Variants in FAM135B observed in about 807,000 individuals in gnomAD.
FAM135B encodes the protein protein FAM135B.
Under a neutral mutation model 127.7 loss-of-function variants are expected in FAM135B, and 43 were observed. That is an observed-to-expected ratio of 0.34 (90% CI 0.26 to 0.43). FAM135B has a LOEUF of 0.43. Ranked by LOEUF, FAM135B falls within the 20% of genes least tolerant of loss-of-function variation. FAM135B has a pLI of 1.00. For synonymous variants in FAM135B, 670 were observed against 665.1 expected, an observed-to-expected ratio of 1.01 and a Z score of -0.11; for missense variants, 1,558 against 1,725.6, an observed-to-expected ratio of 0.90 and a Z score of 1.72.
intron 7 of FAM135B, among the ~76,000 whole-genome samples, chr8:138,209,830 C>G (rs889751801): frequency 2.0e-5 from 3 of 152,102 alleles, no homozygotes; most frequent in Non-Finnish European, 4.4e-5. Context: ...CCCACATTTG[C>G]TAAGATACAA....
chr8:138,456,081 G>A (rs1375405342), intron 1 of FAM135B, among the ~76,000 whole-genome samples: 3 of 152,228 alleles, frequency 2.0e-5, no homozygotes, highest in African/African-American at 7.2e-5. Context: ...CAGTAAATGT[G>A]TTGAAAGACT....
At chr8:138,496,458 T>G (rs1815395544) in intron 1 of FAM135B, among the ~76,000 whole-genome samples, 1 of 152,174 alleles carries the variant, frequency 6.6e-6, no homozygotes, top group Non-Finnish European at 1.5e-5. Flanking sequence ...TTCACAGCCC[T>G]GGCCCTTCTT....
chr8:138,492,500 C>T (rs988638932), intron 1 of FAM135B, among the ~76,000 whole-genome samples: 2 of 152,092 alleles, frequency 1.3e-5, no homozygotes, highest in African/African-American at 4.8e-5. Context: ...CTGGGGAGAG[C>T]ATCCTGCCCA....
intron 11 of FAM135B, among the ~76,000 whole-genome samples, chr8:138,176,656 TG>T (rs1814502225): frequency 6.6e-6 from 1 of 152,216 alleles, no homozygotes; most frequent in South Asian, 2.1e-4. Flanking sequence ...GAGTGATGGA[TG>T]GGTCTCATGT....
intron 8 of FAM135B, among the ~76,000 whole-genome samples, chr8:138,195,850 T>C (rs1816579655): frequency 6.6e-6 from 1 of 152,198 alleles, no homozygotes; most frequent in South Asian, 2.1e-4. Context: ...ATGGTCACAG[T>C]TGTGACTGGG....
chr8:138,265,205 C>A (rs1411197316), intron 4 of FAM135B, among the ~76,000 whole-genome samples: 1 of 152,122 alleles, frequency 6.6e-6, no homozygotes, highest in Non-Finnish European at 1.5e-5. Flanking sequence ...CTTGATGAAC[C>A]CAGCTTTGTC....
At chr8:138,271,022 G>A (rs1236199679) in intron 3 of FAM135B, among the ~76,000 whole-genome samples, 1 of 152,076 alleles carries the variant, frequency 6.6e-6, no homozygotes, top group African/African-American at 2.4e-5. Flanking sequence ...CAGCAGCAAG[G>A]GACTGATGAG....
At chr8:138,146,073 AT>A (rs2130660848) in intron 14 of FAM135B, 23 bp from the exon 15 acceptor site, 2 of 1,312,320 alleles carry the variant, frequency 1.5e-6, no homozygotes, top group Non-Finnish European at 2.2e-6. Context: ...GATAACCCCC[AT>A]CCCAGTCCCG....
chr8:138,428,290 G>A (rs1448564495), intron 1 of FAM135B, among the ~76,000 whole-genome samples: 1 of 152,108 alleles, frequency 6.6e-6, no homozygotes, highest in Non-Finnish European at 1.5e-5. Flanking sequence ...AGGGCCTACA[G>A]AACTTGGGAC....
chr8:138,453,425 C>CA (rs397891817), intron 1 of FAM135B, among the ~76,000 whole-genome samples: 1,633 of 84,232 alleles, frequency 0.019, 10 homozygotes, highest in East Asian at 0.031. Flanking sequence ...GTCCAAGTGA[C>CA]AAAAAAAAAA....
intron 2 of FAM135B, among the ~76,000 whole-genome samples, chr8:138,315,318 C>T (rs1044244935): frequency 6.6e-6 from 1 of 152,044 alleles, no homozygotes; most frequent in African/African-American, 2.4e-5. Flanking sequence ...CAAGAAATAA[C>T]CAGTGTTGAT....
chr8:138,314,725 T>TAAATA (rs766795967), intron 2 of FAM135B, among the ~76,000 whole-genome samples: 25 of 48,750 alleles, frequency 5.1e-4, no homozygotes, highest in South Asian at 3.2e-3. Flanking sequence ...ATAAATAAAT[T>TAAATA]AGCTGGGTGT....
intron 2 of FAM135B, among the ~76,000 whole-genome samples, chr8:138,312,936 G>C (rs767729726): frequency 8.5e-5 from 13 of 152,188 alleles, no homozygotes; most frequent in Non-Finnish European, 1.5e-4. Context: ...CAATTCAATG[G>C]AGCAGAGATC....
chr8:138,344,450 T>C (rs1464754818), intron 2 of FAM135B, among the ~76,000 whole-genome samples: 2 of 152,168 alleles, frequency 1.3e-5, no homozygotes, highest in African/African-American at 4.8e-5. Context: ...TTGGCCTTTT[T>C]CCTCCCACCT....
chr8:138,248,128 A>G (rs1200310001), intron 6 of FAM135B, among the ~76,000 whole-genome samples: 1 of 152,216 alleles, frequency 6.6e-6, no homozygotes, highest in Admixed American at 6.5e-5. Context: ...GTCTCATTTA[A>G]TCATTCTAAA....
chr8:138,175,155 G>T (rs1814322579), intron 11 of FAM135B, among the ~76,000 whole-genome samples: 1 of 152,120 alleles, frequency 6.6e-6, no homozygotes, highest in Non-Finnish European at 1.5e-5. Flanking sequence ...ATAGTCATTT[G>T]CTGGTAAAAG....
chr8:138,385,028 G>C (rs1250808499), intron 1 of FAM135B, among the ~76,000 whole-genome samples: 1 of 152,090 alleles, frequency 6.6e-6, no homozygotes, highest in South Asian at 2.1e-4. Flanking sequence ...CTCTCCTGTG[G>C]ATAACCCCCT....
intron 1 of FAM135B, among the ~76,000 whole-genome samples, chr8:138,465,040 A>G (rs1369541925): frequency 1.3e-5 from 2 of 152,220 alleles, no homozygotes; most frequent in African/African-American, 4.8e-5. Flanking sequence ...CAATTTTGCA[A>G]TTAAGAAAAT....
chr8:138,391,522 C>T (rs1832576705), intron 1 of FAM135B, among the ~76,000 whole-genome samples: 1 of 152,098 alleles, frequency 6.6e-6, no homozygotes, highest in Admixed American at 6.5e-5. Context: ...TGGCCTTGAC[C>T]TAAGCTCTTC....
Sources: gnomAD v4.1 joint callset for allele counts (sites outside exome capture counted in the v4.1 genomes callset) on GRCh38, gnomAD v4.1.1 for gene constraint, MANE v1.5 for transcripts, NCBI Gene and HGNC (gene_info 2026-07-23, HGNC 2026-07-21) for gene names.